ELAPOR2: variants seen among roughly 807,000 people sequenced by gnomAD.
ELAPOR2 encodes endosome-lysosome associated apoptosis and autophagy regulator family member 2, also known as endosome/lysosome-associated apoptosis and autophagy regulator family member 2.
In ELAPOR2, 89 loss-of-function variants were observed where a neutral mutation model predicts 120.7. That is an observed-to-expected ratio of 0.74 (90% CI 0.62 to 0.88). The LOEUF (loss-of-function observed/expected upper bound fraction) is 0.88. Ranked by LOEUF, ELAPOR2 falls within the 40% of genes least tolerant of loss-of-function variation. ELAPOR2 has a pLI of 0.00. For synonymous variants in ELAPOR2, 444 were observed against 444.9 expected, an observed-to-expected ratio of 1.00 and a Z score of 0.03; for missense variants, 1,134 against 1,251.6, an observed-to-expected ratio of 0.91 and a Z score of 1.42.
chr7:86,926,777 C>G lies in ELAPOR2; in HGVS notation c.1229G>C (p.Cys410Ser), dbSNP rs1364460054. 1.2e-6 allele frequency: 2 copies of G among 1,611,622 alleles called. No homozygotes were observed. The highest frequency in any genetic ancestry group is 2.7e-5 in the African/African-American group (2 of 74,820). Residue 410 changes from cysteine (C) to serine (S), a missense_variant, in exon 9 of 22, where the codon TGC becomes TCC. Physicochemically the swap from Cys to Ser is moderately radical, Grantham distance 112. This residue lies in a region of ELAPOR2 where 831 missense variants were observed against 867.6 expected (regional missense o/e 0.96). Coordinates refer to ENST00000450689, the MANE Select transcript of ELAPOR2 (RefSeq NM_001142749.3). ...PGFYNNGSSSCHPCPPGTFSD... is the reference protein window; with the variant it reads ...PGFYNNGSSSSHPCPPGTFSD... Reference sequence around the variant, plus strand: ...AAATGTTCCAGGAGGACAGGGATGGCAAGAAGATGATCCATTGTTATAAAA... The same window carrying G: ...AAATGTTCCAGGAGGACAGGGATGGGAAGAAGATGATCCATTGTTATAAAA...
chr7:86,972,077 C>G (rs936389028), intron 1 of ELAPOR2, among the ~76,000 whole-genome samples: 1 of 152,130 alleles, frequency 6.6e-6, no homozygotes, highest in South Asian at 2.1e-4. Context: ...TTTCTACAAT[C>G]AAGCCAAACC....
chr7:86,886,986 A>T (rs1039529692), intron 21 of ELAPOR2, among the ~76,000 whole-genome samples: 16 of 152,094 alleles, frequency 1.1e-4, no homozygotes, highest in Admixed American at 3.9e-4. Flanking sequence ...CAAAGGCATT[A>T]TCAAGACCTA....
chr7:87,023,554 T>C (rs1353985935), intron 1 of ELAPOR2, among the ~76,000 whole-genome samples: 2 of 152,182 alleles, frequency 1.3e-5, no homozygotes, highest in Non-Finnish European at 2.9e-5. Context: ...GCGGGCTCTT[T>C]TTTGGTTCCA....
intron 1 of ELAPOR2, among the ~76,000 whole-genome samples, chr7:87,044,534 T>C (rs1215471101): frequency 6.9e-6 from 1 of 144,806 alleles, no homozygotes; most frequent in Non-Finnish European, 1.5e-5. Flanking sequence ...TAAATGGTGC[T>C]GGGAAAACTG....
intron 1 of ELAPOR2, among the ~76,000 whole-genome samples, chr7:87,058,449 T>A (rs1036905105): frequency 2.6e-5 from 4 of 152,220 alleles, no homozygotes; most frequent in African/African-American, 7.2e-5. Flanking sequence ...CTCATTGATT[T>A]TCATTAAGAG....
intron 1 of ELAPOR2, among the ~76,000 whole-genome samples, chr7:87,010,944 C>T (rs1469611322): frequency 6.6e-6 from 1 of 151,978 alleles, no homozygotes; most frequent in Non-Finnish European, 1.5e-5. Flanking sequence ...AAAATGTCAG[C>T]ACTGTCCTGG....
intron 10 of ELAPOR2, among the ~76,000 whole-genome samples, chr7:86,924,495 A>T (rs1789974565): frequency 6.6e-6 from 1 of 151,802 alleles, no homozygotes; most frequent in Middle Eastern, 3.4e-3. Flanking sequence ...TCAATTTAAA[A>T]TTCAATTATA....
At chr7:86,883,023 GGTGTGTGTGT>G (rs55859925) in intron 21 of ELAPOR2, among the ~76,000 whole-genome samples, 20 of 141,554 alleles carry the variant, frequency 1.4e-4, no homozygotes, top group South Asian at 2.3e-4. Flanking sequence ...GTTTGAAAGG[GGTGTGTGTGT>G]GTGTGTGTGT....
Position 86,947,923 on chromosome 7 carries a change from C to G in ELAPOR2, c.311-1G>C, listed in dbSNP as rs2116387573. The stretch of plus-strand genomic sequence containing the variant: ...TACTCTCCAGAAGCACAGGAGAAAG[C>G]TGGAAGGCAGAAGAATGGACAACCC... On this transcript the variant is annotated splice_acceptor_variant, in intron 2 of 21. Coordinates refer to ENST00000450689, the MANE Select transcript of ELAPOR2 (RefSeq NM_001142749.3). LOFTEE classifies it high-confidence loss of function. 1 of 1,548,688 alleles carries G rather than the reference C, an allele frequency of 6.5e-7. No individual in the cohort carries two copies. Among genetic ancestry groups the G allele is most frequent in the Non-Finnish European group, 8.7e-7 (1 of 1,144,312 alleles).
At chr7:86,970,307 A>G (rs752514748) in intron 1 of ELAPOR2, among the ~76,000 whole-genome samples, 1 of 152,218 alleles carries the variant, frequency 6.6e-6, no homozygotes, top group Non-Finnish European at 1.5e-5. Context: ...GAACACACAC[A>G]GATGGAAAGG....
chr7:86,939,771 GTCA>G (rs1208169753), intron 6 of ELAPOR2, among the ~76,000 whole-genome samples: 2 of 152,018 alleles, frequency 1.3e-5, no homozygotes, highest in African/African-American at 2.4e-5. Flanking sequence ...ATCTAAAATT[GTCA>G]TCATGTTTAC....
In ELAPOR2 at chr7:86,947,864, A is replaced by G. The variant is rs1338572168; in HGVS notation, c.369T>C (p.Cys123=). ...TGCCCAAGGAATAGGTGCCTTCACC[A>G]CACTTACTGCATACCTGGTTCTTCA... is the stretch of plus-strand genomic sequence containing the variant. ...LEMKNQVCSK[C]GEGTYSLGSG... The change falls in exon 3 of 22, where the codon TGT becomes TGC. Residue 123 remains cysteine (C), a synonymous_variant. Transcript: ENST00000450689. 2.6e-6 allele frequency: 4 copies of G among 1,552,114 alleles called. No homozygotes were observed. Among genetic ancestry groups the G allele is most frequent in the Middle Eastern group, 1.7e-4 (1 of 6,020 alleles).
chr7:86,885,170 T>C (rs970930925), intron 21 of ELAPOR2, among the ~76,000 whole-genome samples: 2 of 152,180 alleles, frequency 1.3e-5, no homozygotes, highest in African/African-American at 4.8e-5. Flanking sequence ...TTATTAACAA[T>C]AGCAAGAAAT....
intron 1 of ELAPOR2, among the ~76,000 whole-genome samples, chr7:87,016,880 C>A (rs879388963): frequency 2.0e-5 from 3 of 151,966 alleles, no homozygotes; most frequent in Non-Finnish European, 4.4e-5. Flanking sequence ...TAAGCATGAT[C>A]AAATAAAAGA....
At chr7:87,008,725 G>A (rs537065831) in intron 1 of ELAPOR2, among the ~76,000 whole-genome samples, 4 of 152,148 alleles carry the variant, frequency 2.6e-5, no homozygotes, top group Admixed American at 6.6e-5. Flanking sequence ...ATTTAGTGAT[G>A]AAGGGCCATA....
At chr7:86,932,493 G>A (rs182060541) in intron 8 of ELAPOR2, among the ~76,000 whole-genome samples, 11 of 151,882 alleles carry the variant, frequency 7.2e-5, no homozygotes, top group East Asian at 3.9e-4. Context: ...GGAGGGTGGC[G>A]GGGGGAGACA....
intron 1 of ELAPOR2, among the ~76,000 whole-genome samples, chr7:87,005,377 A>C (rs1047112321): frequency 1.3e-5 from 2 of 152,170 alleles, no homozygotes; most frequent in African/African-American, 2.4e-5. Context: ...TATTGGCAAA[A>C]GGACAATGTT....
intron 1 of ELAPOR2, among the ~76,000 whole-genome samples, chr7:87,043,816 A>G (rs1488423120): frequency 6.6e-6 from 1 of 151,088 alleles, no homozygotes; most frequent in Non-Finnish European, 1.5e-5. Flanking sequence ...GAGGAAGTCA[A>G]ATTGTCCCTG....
At chr7:86,891,510 C>T (rs1031518811) in intron 21 of ELAPOR2, 19 of 458,066 alleles carry the variant, frequency 4.1e-5, no homozygotes, top group African/African-American at 3.8e-4. Flanking sequence ...AAATATCTAA[C>T]TCCTTACTGA....
Sources: gnomAD v4.1 joint callset for allele counts (sites outside exome capture counted in the v4.1 genomes callset) on GRCh38, gnomAD v4.1.1 for gene constraint, gnomAD v4.1.1 regional missense constraint, MANE v1.5 for transcripts, NCBI Gene and HGNC (gene_info 2026-07-23, HGNC 2026-07-21) for gene names.